The following SNRPC variants were observed in gnomAD, a reference collection of about 807,000 sequenced individuals.
SNRPC encodes small nuclear ribonucleoprotein polypeptide C.
A neutral mutation model predicts 20.0 loss-of-function variants in SNRPC; 5 were observed. The observed-to-expected ratio is 0.25, with a 90% CI of 0.13 to 0.53. SNRPC has a LOEUF of 0.53. Among genes scored for constraint, SNRPC ranks in the 20% least tolerant of loss-of-function variants. The pLI, the probability that SNRPC is intolerant of heterozygous loss-of-function variation, is 0.96. For synonymous variants in SNRPC, 61 were observed against 58.7 expected (o/e 1.04, Z -0.18); for missense variants, 112 against 224.1 (o/e 0.50, Z 3.19).
Position 34,757,542 on chromosome 6 carries a change from A to G in SNRPC, c.-2A>G, listed in dbSNP as rs776808885. On this transcript the variant is annotated 5_prime_UTR_variant, in exon 1 of 6. Coordinates refer to ENST00000244520, the MANE Select transcript of SNRPC (RefSeq NM_003093.3). ...GGAGTGGCCAACGGCCTGCAGAGCA[A>G]CATGCCCAAGTGAGTGGGGCCCCGA... 7.0e-5 allele frequency: 113 copies of G among 1,613,560 alleles called. 1 individual carries two copies. In the Middle Eastern group the frequency reaches 1.3e-3, roughly 19 times the overall value.
intron 1 of SNRPC, 148 bp from the exon 2 acceptor site, chr6:34,757,764 T>C: frequency 8.3e-6 from 13 of 1,570,284 alleles, no homozygotes; most frequent in Non-Finnish European, 1.1e-5. Context: ...CTGGTTTATG[T>C]GTCGACGCTT....
rs887099171 is a variant in SNRPC, at chr6:34,773,222, T to G, written c.356-224T>G. ...CCCCTTACTATCATTAGATCATGATTCCCATATGGTTCTTGTGTTGACCTT... is the reference window on the plus strand; with the variant it reads ...CCCCTTACTATCATTAGATCATGATGCCCATATGGTTCTTGTGTTGACCTT... On this transcript the variant is annotated intron_variant, in intron 5 of 5. Coordinates refer to ENST00000244520, the MANE Select transcript of SNRPC (RefSeq NM_003093.3). This position sits in a 1 kb window ranked among gnomAD's most constrained non-coding sequence, Gnocchi z 4.1. Among the ~76,000 whole-genome samples, 7 of 152,212 alleles carry G rather than the reference T, an allele frequency of 4.6e-5. No individual in the cohort carries two copies. The highest frequency in any genetic ancestry group is 2.0e-4 in the Admixed American group (3 of 15,266).
At chr6:34,767,691 A>G (rs1764630562) in intron 3 of SNRPC, among the ~76,000 whole-genome samples, 1 of 152,182 alleles carries the variant, frequency 6.6e-6, no homozygotes, top group African/African-American at 2.4e-5. Context: ...CTAAGTAGAA[A>G]ACATAAATCA....
At chr6:34,768,641 A>T (rs1190265861) in intron 4 of SNRPC, among the ~76,000 whole-genome samples, 1 of 151,546 alleles carries the variant, frequency 6.6e-6, no homozygotes, top group Non-Finnish European at 1.5e-5. Flanking sequence ...AGTCCCAGCT[A>T]CTCAGGAGGC....
At position 34,757,528 on chromosome 6, in the gene SNRPC, C is replaced by T. The variant is rs892617481; in HGVS notation, c.-16C>T. ...GGGCGTCACGTAACGGAGTGGCCAA[C>T]GGCCTGCAGAGCAACATGCCCAAGT... On this transcript the variant is annotated 5_prime_UTR_variant, in exon 1 of 6. In the 5' UTR this introduces an upstream ATG that the reference lacks. Transcript: ENST00000244520. 5 of 1,612,884 alleles carry T rather than the reference C, an allele frequency of 3.1e-6. No homozygotes were observed. Among genetic ancestry groups the T allele is most frequent in the African/African-American group, 1.3e-5 (1 of 74,890 alleles).
At chr6:34,769,482 C>T (rs1054133602) in intron 4 of SNRPC, among the ~76,000 whole-genome samples, 12 of 152,068 alleles carry the variant, frequency 7.9e-5, no homozygotes, top group African/African-American at 2.4e-4. Context: ...CTTGAGCCAC[C>T]ACCCCCAGCC....
intron 3 of SNRPC, among the ~76,000 whole-genome samples, chr6:34,767,415 G>GT (rs1764627508): frequency 6.6e-6 from 1 of 152,220 alleles, no homozygotes. Context: ...GGACTCAGGA[G>GT]TTTGAGACCA....
At chr6:34,770,972 T>C (rs141997884) in intron 5 of SNRPC, among the ~76,000 whole-genome samples, 2 of 152,340 alleles carry the variant, frequency 1.3e-5, no homozygotes, top group East Asian at 3.9e-4. Flanking sequence ...TTTATTTTAA[T>C]GTAAATTTAA....
At position 34,773,771 on chromosome 6, in the gene SNRPC, A is replaced by G. The variant is rs1166489342; in HGVS notation, c.*201A>G. ...TTTGTATTGGGAAATGTGAAAATAA[A>G]ATTGTCAACTCTTTCAGTTAAAAGT... On this transcript the variant is annotated 3_prime_UTR_variant, in exon 6 of 6. Coordinates refer to ENST00000244520, the MANE Select transcript of SNRPC (RefSeq NM_003093.3). This position sits in a 1 kb window ranked among gnomAD's most constrained non-coding sequence, Gnocchi z 4.1. 2.3e-6 allele frequency: 1 copy of G among 437,292 alleles called. No individual in the cohort carries two copies. The highest frequency in any genetic ancestry group is 4.1e-6 in the Non-Finnish European group (1 of 245,110). 27.1% of individuals were successfully genotyped at this position (437,292 alleles called of 1,614,324 possible).
At chr6:34,769,229 C>CTTTT (rs11408407) in intron 4 of SNRPC, among the ~76,000 whole-genome samples, 82 of 129,062 alleles carry the variant, frequency 6.4e-4, no homozygotes, top group South Asian at 1.2e-3. Context: ...TTCTTTCTTT[C>CTTTT]TTTTTTTTTT....
chr6:34,766,948 T>C (rs1363483660), intron 3 of SNRPC, among the ~76,000 whole-genome samples: 1 of 151,998 alleles, frequency 6.6e-6, no homozygotes, highest in Non-Finnish European at 1.5e-5. Flanking sequence ...TATTTTAATA[T>C]TTATTTGTGA....
rs763369777 is a variant in SNRPC at position 34,757,562 on chromosome 6, C to T, written c.8+11C>T. ...GAGCAACATGCCCAAGTGAGTGGGG[C>T]CCCGAAATCTGAGGGTGATCGTAGT... On this transcript the variant is annotated intron_variant, in intron 1 of 5. Coordinates refer to ENST00000244520, the MANE Select transcript of SNRPC (RefSeq NM_003093.3). 2 of 1,612,344 alleles carry T rather than the reference C, an allele frequency of 1.2e-6. No homozygotes were observed. Among genetic ancestry groups the T allele is most frequent in the South Asian group, 1.1e-5 (1 of 91,040 alleles).
Position 34,773,163 on chromosome 6 carries a change from G to A in SNRPC, c.356-283G>A, listed in dbSNP as rs1417966227. On this transcript the variant is annotated intron_variant, in intron 5 of 5. Coordinates refer to ENST00000244520, the MANE Select transcript of SNRPC (RefSeq NM_003093.3). The surrounding 1 kb of genome is among the most constrained non-coding windows in gnomAD (Gnocchi z 4.1). ...GTCAGTTTAGGGAACTAGTGTCCCT[G>A]GCGATTTCTGGAAAGCAGTCTATTA... Among the ~76,000 whole-genome samples, 1 of 152,144 alleles carries A rather than the reference G, an allele frequency of 6.6e-6. No homozygotes were observed. Among genetic ancestry groups the A allele is most frequent in the African/African-American group, 2.4e-5 (1 of 41,414 alleles).
intron 4 of SNRPC, among the ~76,000 whole-genome samples, chr6:34,769,785 G>T (rs1198823576): frequency 6.6e-6 from 1 of 151,902 alleles, no homozygotes; most frequent in Non-Finnish European, 1.5e-5. Flanking sequence ...TCCTGTCTAG[G>T]CAGGCTTGTT....
intron 2 of SNRPC, 136 bp downstream of exon 2, chr6:34,758,090 G>T: frequency 1.1e-6 from 1 of 941,252 alleles, no homozygotes; most frequent in Admixed American, 2.6e-5. Flanking sequence ...GAAAATAATT[G>T]GAGGTTATTT....
rs777303269 is a variant in SNRPC at position 34,773,596 on chromosome 6, C to T, written c.*26C>T. 1.3e-5 allele frequency: 21 copies of T among 1,607,618 alleles called. No homozygotes were observed. Among genetic ancestry groups the T allele is most frequent in the South Asian group, 3.3e-5 (3 of 90,876 alleles). On this transcript the variant is annotated 3_prime_UTR_variant, in exon 6 of 6. Coordinates refer to ENST00000244520, the MANE Select transcript of SNRPC (RefSeq NM_003093.3). The surrounding 1 kb of genome is among the most constrained non-coding windows in gnomAD (Gnocchi z 4.1). ...GGATAGAGGGGAGGCCTTATTGTAT[C>T]GGTTTTATATTACCTGTTCTGCTTC...
At chr6:34,763,594 T>C (rs767371957) in intron 3 of SNRPC, among the ~76,000 whole-genome samples, 3 of 149,944 alleles carry the variant, frequency 2.0e-5, no homozygotes, top group Non-Finnish European at 4.4e-5. Flanking sequence ...GGCAGGAGAA[T>C]CGCTTGAACC....
chr6:34,765,669 C>A (rs1328280647), intron 3 of SNRPC, among the ~76,000 whole-genome samples: 1 of 151,858 alleles, frequency 6.6e-6, no homozygotes, highest in Non-Finnish European at 1.5e-5. Flanking sequence ...GAACTCGTGA[C>A]CTCAAGTATT....
intron 2 of SNRPC, among the ~76,000 whole-genome samples, chr6:34,759,034 A>G (rs984276900): frequency 1.3e-5 from 2 of 149,918 alleles, no homozygotes; most frequent in Non-Finnish European, 1.5e-5. Context: ...AAAAAAAAAA[A>G]AAAAAAAAAA....
Sources: gnomAD v4.1 joint callset for allele counts (sites outside exome capture counted in the v4.1 genomes callset) on GRCh38, gnomAD v4.1.1 for gene constraint, Gnocchi (gnomAD v3.1) non-coding constraint, MANE v1.5 for transcripts, NCBI Gene and HGNC (gene_info 2026-07-23, HGNC 2026-07-21) for gene names.